SORCS2: variants seen among roughly 807,000 people sequenced by gnomAD.
SORCS2 encodes the protein VPS10 domain-containing receptor SorCS2.
SORCS2 carries 100 observed loss-of-function variants against 141.6 expected under a neutral mutation model. The observed-to-expected ratio is 0.71, with a 90% CI of 0.60 to 0.83. The LOEUF (loss-of-function observed/expected upper bound fraction) is 0.83, where lower values mean the gene tolerates loss of function less well. Among genes scored for constraint, SORCS2 ranks in the 40% least tolerant of loss-of-function variants. The probability of loss-of-function intolerance (pLI) is 0.00; values close to 1 mark genes in which losing one functional copy is unlikely to be tolerated. For missense variants in SORCS2, 1,646 were observed against 1,560.2 expected (o/e 1.05, Z -0.93); for synonymous variants, 789 against 676.9 (o/e 1.17, Z -2.57).
intron 3 of SORCS2, among the ~76,000 whole-genome samples, chr4:7,545,770 G>C (rs1314139424): frequency 6.6e-6 from 1 of 152,226 alleles, no homozygotes; most frequent in African/African-American, 2.4e-5. Flanking sequence ...TAAACCTTCT[G>C]CTGCCTCTGT....
intron 3 of SORCS2, among the ~76,000 whole-genome samples, chr4:7,628,366 A>G (rs967597256): frequency 3.3e-5 from 5 of 152,104 alleles, no homozygotes; most frequent in Non-Finnish European, 7.4e-5. Context: ...AAAAATACAA[A>G]AAATTAGCCT....
chr4:7,427,856 C>T (rs115279059), intron 2 of SORCS2, among the ~76,000 whole-genome samples: 20,728 of 151,976 alleles, frequency 0.14, 1,594 homozygotes, highest in Non-Finnish European at 0.18. Flanking sequence ...CCCCCGCCCC[C>T]CCGCACCAGG....
chr4:7,416,839 CAT>C (rs1320119319), intron 2 of SORCS2, among the ~76,000 whole-genome samples: 2 of 152,124 alleles, frequency 1.3e-5, no homozygotes, highest in African/African-American at 4.8e-5. Context: ...CACACACAAA[CAT>C]GCATGCATGC....
chr4:7,502,385 G>A (rs1005324461), intron 2 of SORCS2, among the ~76,000 whole-genome samples: 1 of 152,168 alleles, frequency 6.6e-6, no homozygotes, highest in Non-Finnish European at 1.5e-5. Flanking sequence ...TCTTCACCTT[G>A]GGCTGGGCAG....
At position 7,740,435 on chromosome 4, in the gene SORCS2, CGGGGGGCCCACGGGA is replaced by C; in HGVS notation, c.*172_*186del. 1 of 628,550 alleles carries C rather than the reference CGGGGGGCCCACGGGA, an allele frequency of 1.6e-6. No individual in the cohort carries two copies. The highest frequency in any genetic ancestry group is 2.8e-6 in the Non-Finnish European group (1 of 358,608). 38.9% of individuals were successfully genotyped at this position (628,550 alleles called of 1,614,324 possible). ...ATAAATCCAAGCCCGCCCAGGCCCA[CGGGGGGCCCACGGGA>C]CCCCCCGGGACTCCCCGGACATGGC... On this transcript the variant is annotated 3_prime_UTR_variant, in exon 27 of 27. Transcript: ENST00000507866.
intron 1 of SORCS2, among the ~76,000 whole-genome samples, chr4:7,276,420 G>A (rs1222513439): frequency 6.6e-6 from 1 of 152,046 alleles, no homozygotes; most frequent in Non-Finnish European, 1.5e-5. Flanking sequence ...CCTTCCACTC[G>A]CTGGAACGGG....
intron 17 of SORCS2, among the ~76,000 whole-genome samples, chr4:7,715,728 C>T (rs537122628): frequency 1.1e-4 from 16 of 152,330 alleles, no homozygotes; most frequent in South Asian, 8.3e-4. Context: ...CTCCATTTAC[C>T]GGTGCCCAGT....
At chr4:7,366,955 G>A (rs761313343) in intron 1 of SORCS2, among the ~76,000 whole-genome samples, 5 of 152,210 alleles carry the variant, frequency 3.3e-5, no homozygotes, top group African/African-American at 7.2e-5. Context: ...CAGGTCGGAA[G>A]GACTTAAATT....
chr4:7,437,505 G>T (rs768555142), intron 2 of SORCS2, among the ~76,000 whole-genome samples: 1 of 152,072 alleles, frequency 6.6e-6, no homozygotes, highest in Non-Finnish European at 1.5e-5. Context: ...CCAGGGGGTG[G>T]GGCTGGAAGT....
chr4:7,741,521 T>A lies in SORCS2; in HGVS notation c.*1257T>A. 1 of 337,370 alleles carries A rather than the reference T, an allele frequency of 3.0e-6. No individual in the cohort carries two copies. The highest frequency in any genetic ancestry group is 5.3e-6 in the Non-Finnish European group (1 of 188,826). 20.9% of individuals were successfully genotyped at this position (337,370 alleles called of 1,614,324 possible). A position where few individuals can be genotyped will look rare whatever the true frequency, so the allele number is the denominator to read the frequency against. The stretch of plus-strand genomic sequence containing the variant: ...TCCTCCTCCTCCCTCCTCCCCCTCC[T>A]CTCTGGCAGGGATCTCAGATGACCG... On this transcript the variant is annotated 3_prime_UTR_variant, in exon 27 of 27. Coordinates refer to ENST00000507866, the MANE Select transcript of SORCS2 (RefSeq NM_020777.3).
intron 2 of SORCS2, among the ~76,000 whole-genome samples, chr4:7,425,123 C>T (rs1046804743): frequency 6.6e-6 from 1 of 152,206 alleles, no homozygotes; most frequent in Non-Finnish European, 1.5e-5. Flanking sequence ...CAGCCTCTCA[C>T]GACCCAGAGC....
chr4:7,636,441 G>T (rs914484391), intron 3 of SORCS2, among the ~76,000 whole-genome samples: 1 of 152,222 alleles, frequency 6.6e-6, no homozygotes, highest in East Asian at 1.9e-4. Flanking sequence ...TAGGATCGGA[G>T]CGGGGGGTGC....
chr4:7,261,010 C>T (rs150537172), intron 1 of SORCS2, among the ~76,000 whole-genome samples: 20 of 152,272 alleles, frequency 1.3e-4, no homozygotes, highest in Admixed American at 2.6e-4. Context: ...TTAGAGCACT[C>T]GTCAACATCT....
chr4:7,682,661 C>A, intron 9 of SORCS2, 82 bp from the exon 10 acceptor site: 1 of 1,404,040 alleles, frequency 7.1e-7, no homozygotes. Context: ...AGCACTTTAG[C>A]AAGGGGCTGG....
chr4:7,701,150 G>C (rs1725052540), intron 12 of SORCS2, among the ~76,000 whole-genome samples: 1 of 151,616 alleles, frequency 6.6e-6, no homozygotes, highest in African/African-American at 2.4e-5. Context: ...GGCATCACCT[G>C]ACAGACCCCC....
chr4:7,504,376 G>A (rs924501961), intron 2 of SORCS2, among the ~76,000 whole-genome samples: 46 of 152,234 alleles, frequency 3.0e-4, no homozygotes, highest in African/African-American at 1.1e-3. Context: ...TGTAGAGCCC[G>A]AGAGTGGGGG....
intron 24 of SORCS2, 121 bp from the exon 25 acceptor site, chr4:7,734,151 A>G: frequency 1.5e-6 from 1 of 660,446 alleles, no homozygotes; most frequent in Non-Finnish European, 2.6e-6. Context: ...CAGGCAGGGG[A>G]CAAGCTGGGG....
intron 1 of SORCS2, among the ~76,000 whole-genome samples, chr4:7,203,311 C>T (rs1371370044): frequency 1.3e-5 from 2 of 152,230 alleles, no homozygotes; most frequent in Non-Finnish European, 2.9e-5. Flanking sequence ...GTAATCCCAG[C>T]TGCTTGGAAG....
Position 7,531,611 on chromosome 4 carries a change from C to T in SORCS2, c.630C>T (p.Cys210=), listed in dbSNP as rs764267808. Residue 210 remains cysteine, a synonymous_variant, in exon 3 of 27, where the codon TGC becomes TGT. Transcript: ENST00000507866. ...VTTVIDNFYI[C]PTNKRKVILV... The stretch of plus-strand genomic sequence containing the variant: ...CCGTCATCGACAATTTCTACATCTG[C>T]CCGACCAACAAGAGGAAGGTAGGTG... 6.8e-6 allele frequency: 11 copies of T among 1,613,764 alleles called. No homozygotes were observed. Among genetic ancestry groups the T allele is most frequent in the Non-Finnish European group, 9.3e-6 (11 of 1,179,798 alleles).
Sources: allele counts gnomAD v4.1 joint callset (sites outside exome capture counted in the v4.1 genomes callset), GRCh38; gene constraint gnomAD v4.1.1; transcripts MANE v1.5; gene names NCBI Gene and HGNC (gene_info 2026-07-23, HGNC 2026-07-21).